The following ZNF385D variants were observed in gnomAD, a reference collection of about 807,000 sequenced individuals.
ZNF385D encodes the protein zinc finger protein 385D.
In ZNF385D, 15 loss-of-function variants were observed where a neutral mutation model predicts 35.8. The observed-to-expected ratio is 0.42, with a 90% CI of 0.28 to 0.64. ZNF385D has a LOEUF of 0.64. Among genes scored for constraint, ZNF385D ranks in the 30% least tolerant of loss-of-function variants. The pLI is 0.23. For missense variants in ZNF385D, 474 were observed against 494.6 expected (o/e 0.96, Z 0.39); for synonymous variants, 212 against 186.8 (o/e 1.13, Z -1.10).
intron 4 of ZNF385D, among the ~76,000 whole-genome samples, chr3:21,458,784 G>A (rs1702983215): frequency 6.7e-6 from 1 of 148,936 alleles, no homozygotes; most frequent in Non-Finnish European, 1.5e-5. Context: ...GTGGTAGTGA[G>A]GGGAGAGGGA....
chr3:22,002,905 G>A (rs770670952), intron 3 of ZNF385D, among the ~76,000 whole-genome samples: 1 of 151,960 alleles, frequency 6.6e-6, no homozygotes, highest in African/African-American at 2.4e-5. Flanking sequence ...CAACAAATTA[G>A]GCACACAAGA....
Position 22,187,491 on chromosome 3 carries a change from T to TAC in ZNF385D, c.107-18458_107-18457dup, listed in dbSNP as rs1038663357. The stretch of plus-strand genomic sequence containing the variant: ...CTCTCACCCTATACACACACACAGA[T>TAC]ACACACACACACAAAGACATATATG... On this transcript the variant is annotated intron_variant, in intron 2 of 5. Coordinates refer to the ZNF385D transcript ENST00000494108. Among the ~76,000 whole-genome samples the TAC allele has an allele frequency of 6.6e-5, 10 of 151,714 alleles. No individual in the cohort carries two copies. In the East Asian group the frequency reaches 1.2e-3, roughly 18 times the overall value.
At chr3:21,860,821 G>C (rs968288403) in intron 3 of ZNF385D, among the ~76,000 whole-genome samples, 1 of 152,122 alleles carries the variant, frequency 6.6e-6, no homozygotes, top group African/African-American at 2.4e-5. Context: ...TATGCCTGTA[G>C]CAACTCCACC....
intron 2 of ZNF385D, among the ~76,000 whole-genome samples, chr3:22,242,954 A>G (rs1369316505): frequency 6.6e-6 from 1 of 151,030 alleles, no homozygotes; most frequent in African/African-American, 2.4e-5. Flanking sequence ...GCTACATGTA[A>G]ATGTTAATGA....
chr3:21,984,081 G>A (rs1205356025), intron 3 of ZNF385D, among the ~76,000 whole-genome samples: 1 of 132,570 alleles, frequency 7.5e-6, no homozygotes, highest in Non-Finnish European at 1.5e-5. Flanking sequence ...TGTCAGATGA[G>A]TAGGTTGCGA....
intron 3 of ZNF385D, among the ~76,000 whole-genome samples, chr3:21,787,154 G>A (rs780964941): frequency 5.3e-5 from 8 of 152,114 alleles, no homozygotes; most frequent in Non-Finnish European, 1.0e-4. Flanking sequence ...CAAAGTAGTG[G>A]AGGCTTCAAG....
intron 2 of ZNF385D, among the ~76,000 whole-genome samples, chr3:22,354,991 G>A (rs1189194876): frequency 6.6e-6 from 1 of 151,860 alleles, no homozygotes; most frequent in Admixed American, 6.6e-5. Context: ...GAACAACATT[G>A]TTTGTACCCT....
intron 3 of ZNF385D, among the ~76,000 whole-genome samples, chr3:22,142,170 T>C (rs1229606846): frequency 6.6e-6 from 1 of 152,182 alleles, no homozygotes; most frequent in South Asian, 2.1e-4. Flanking sequence ...TATTGGGTGT[T>C]GTTGTTTCAC....
At chr3:22,089,462 C>T (rs930855408) in intron 3 of ZNF385D, among the ~76,000 whole-genome samples, 9 of 152,186 alleles carry the variant, frequency 5.9e-5, no homozygotes, top group African/African-American at 2.2e-4. Context: ...TTCCCAAAGA[C>T]AGGCTCCTGC....
intron 3 of ZNF385D, among the ~76,000 whole-genome samples, chr3:22,125,196 G>A (rs1703356484): frequency 6.6e-6 from 1 of 151,966 alleles, no homozygotes. Flanking sequence ...GTATGTTCTT[G>A]GCACCTTTGT....
intron 4 of ZNF385D, among the ~76,000 whole-genome samples, chr3:21,457,060 A>G (rs1267438700): frequency 6.6e-6 from 1 of 152,162 alleles, no homozygotes; most frequent in Non-Finnish European, 1.5e-5. Flanking sequence ...AGGGTTTTTT[A>G]GTTGCTTTGT....
At chr3:22,200,937 C>CT (rs1385422135) in intron 2 of ZNF385D, among the ~76,000 whole-genome samples, 2 of 152,088 alleles carry the variant, frequency 1.3e-5, no homozygotes, top group Admixed American at 6.6e-5. Context: ...TTACCCTGGT[C>CT]TTTTTTCAAG....
At chr3:21,868,230 C>G (rs549020787) in intron 3 of ZNF385D, among the ~76,000 whole-genome samples, 79 of 152,102 alleles carry the variant, frequency 5.2e-4, no homozygotes, top group Non-Finnish European at 9.9e-4. Flanking sequence ...GCACTGAAAG[C>G]ATCCATAGAC....
intron 3 of ZNF385D, among the ~76,000 whole-genome samples, chr3:21,511,373 A>C (rs1271931967): frequency 6.6e-6 from 1 of 152,198 alleles, no homozygotes; most frequent in African/African-American, 2.4e-5. Context: ...CCAAAGATTA[A>C]CAAGAGCCCT....
In ZNF385D at chr3:22,216,525, A is replaced by T. The variant is rs189637215; in HGVS notation, c.107-47490T>A. Among the ~76,000 whole-genome samples, 14 of 152,228 alleles carry T rather than the reference A, an allele frequency of 9.2e-5. No individual in the cohort carries two copies. The East Asian group carries it at 2.5e-3, about 27-fold the overall frequency. On this transcript the variant is annotated intron_variant, in intron 2 of 5. Coordinates refer to the ZNF385D transcript ENST00000494108. ...GAGGTAGAGGTTTCAAGTAACAGAAAATCTTAAGCATTGACCCAGATGTGA... is the reference window on the plus strand; with the variant it reads ...GAGGTAGAGGTTTCAAGTAACAGAATATCTTAAGCATTGACCCAGATGTGA...
intron 3 of ZNF385D, among the ~76,000 whole-genome samples, chr3:22,107,708 T>G (rs1045117816): frequency 6.6e-6 from 1 of 152,154 alleles, no homozygotes; most frequent in African/African-American, 2.4e-5. Flanking sequence ...TTCCTTCTAG[T>G]CTTTTTTCTG....
intron 2 of ZNF385D, among the ~76,000 whole-genome samples, chr3:21,571,030 A>T (rs200798700): frequency 0.12 from 6,397 of 55,064 alleles, 219 homozygotes; most frequent in East Asian, 0.27. Context: ...AATAACTTAC[A>T]CACAAAAAGT....
chr3:22,312,455 G>C (rs1365774870), intron 2 of ZNF385D, among the ~76,000 whole-genome samples: 2 of 152,022 alleles, frequency 1.3e-5, no homozygotes, highest in African/African-American at 4.8e-5. Context: ...TACCATCAGA[G>C]TGAACAGGCA....
At chr3:21,431,988 T>A (rs10490885) in intron 5 of ZNF385D, among the ~76,000 whole-genome samples, 41,640 of 151,982 alleles carry the variant, frequency 0.27, 6,420 homozygotes, top group East Asian at 0.42. Flanking sequence ...TAGTAGATAA[T>A]CAAGGAAAAT....
Sources: gnomAD v4.1 joint callset for allele counts (sites outside exome capture counted in the v4.1 genomes callset) on GRCh38, gnomAD v4.1.1 for gene constraint, MANE v1.5 for transcripts, NCBI Gene and HGNC (gene_info 2026-07-23, HGNC 2026-07-21) for gene names.